The following FRMD4A variants were observed in gnomAD, a reference collection of about 807,000 sequenced individuals.
The protein encoded by FRMD4A is FERM domain-containing protein 4A.
Under a neutral mutation model 129.1 loss-of-function variants are expected in FRMD4A, and 29 were observed. The ratio of observed to expected loss-of-function variants is 0.22; its 90% CI spans 0.17 to 0.31. FRMD4A has a LOEUF of 0.31. Ranked by LOEUF, FRMD4A falls within the 10% of genes least tolerant of loss-of-function variation. The pLI is 1.00. For missense variants in FRMD4A, 1,272 were observed against 1,375.8 expected (o/e 0.92, Z 1.19); for synonymous variants, 634 against 571.6 (o/e 1.11, Z -1.56).
intron 2 of FRMD4A, among the ~76,000 whole-genome samples, chr10:14,316,875 G>A (rs1353040898): frequency 1.3e-5 from 2 of 152,302 alleles, no homozygotes; most frequent in African/African-American, 4.8e-5. Flanking sequence ...GAAGTGTCCT[G>A]TTTTAAAGCC....
chr10:14,084,706 G>A (rs546584856), intron 2 of FRMD4A, among the ~76,000 whole-genome samples: 11 of 152,052 alleles, frequency 7.2e-5, no homozygotes, highest in Non-Finnish European at 1.3e-4. Flanking sequence ...GCCCTAAATC[G>A]CCCCAGGGCC....
chr10:13,775,815 C>T (rs528332962), intron 6 of FRMD4A, among the ~76,000 whole-genome samples: 17 of 152,236 alleles, frequency 1.1e-4, no homozygotes, highest in South Asian at 2.1e-4. Flanking sequence ...GAGAACTACC[C>T]GACGTAGCTG....
intron 2 of FRMD4A, among the ~76,000 whole-genome samples, chr10:14,288,390 A>C (rs183683190): frequency 1.3e-5 from 2 of 152,260 alleles, no homozygotes; most frequent in Admixed American, 6.5e-5. Flanking sequence ...ATCCAACTTA[A>C]CATATGAAGG....
chr10:14,189,652 G>A (rs980028880), intron 2 of FRMD4A, among the ~76,000 whole-genome samples: 3 of 152,148 alleles, frequency 2.0e-5, no homozygotes, highest in African/African-American at 7.2e-5. Context: ...CTTTGTTCTT[G>A]TATAAATATC....
At chr10:14,256,292 C>CA (rs1198320293) in intron 2 of FRMD4A, among the ~76,000 whole-genome samples, 2 of 151,888 alleles carry the variant, frequency 1.3e-5, no homozygotes, top group Admixed American at 1.3e-4. Context: ...AAAAGACTTA[C>CA]AAAAAAGAAG....
chr10:13,992,689 C>T (rs368325171), intron 2 of FRMD4A, among the ~76,000 whole-genome samples: 2 of 151,856 alleles, frequency 1.3e-5, no homozygotes, highest in East Asian at 1.9e-4. Context: ...CATGGTGGCT[C>T]GCACCTGTAA....
chr10:13,828,313 C>G (rs183580158), intron 3 of FRMD4A, among the ~76,000 whole-genome samples: 2 of 152,252 alleles, frequency 1.3e-5, no homozygotes, highest in East Asian at 3.9e-4. Flanking sequence ...TCCCTCACCC[C>G]CTCCCACACT....
intron 2 of FRMD4A, among the ~76,000 whole-genome samples, chr10:14,304,563 G>T (rs1260538481): frequency 1.3e-5 from 2 of 152,136 alleles, no homozygotes; most frequent in East Asian, 3.9e-4. Context: ...TGCTTGGATC[G>T]AGGAGGTGCC....
chr10:13,925,566 C>CTTTTTTTTTTTTTTT lies in FRMD4A; in HGVS notation c.46-66669_46-66655dup, dbSNP rs66980805. 1.7e-3 allele frequency among the ~76,000 whole-genome samples: 103 copies of CTTTTTTTTTTTTTTT among 61,944 alleles called. 22 individuals are homozygous for CTTTTTTTTTTTTTTT. The highest frequency in any genetic ancestry group is 8.0e-3 in the East Asian group (10 of 1,248). 40.6% of individuals were successfully genotyped at this position (61,944 alleles called of 152,430 possible). On this transcript the variant is annotated intron_variant, in intron 2 of 24. Coordinates refer to ENST00000357447, the MANE Select transcript of FRMD4A (RefSeq NM_018027.5). Reference sequence around the variant, plus strand: ...TGAAAGTTTCTATTGTAGTGAAACGCTTTTTTTTTTTTTTTTTTTTTTTTT... The same window carrying CTTTTTTTTTTTTTTT: ...TGAAAGTTTCTATTGTAGTGAAACGCTTTTTTTTTTTTTTTTTTTTTTTTTTTTTTTTTTTTTTTT...
At chr10:14,288,071 T>C (rs1165032604) in intron 2 of FRMD4A, among the ~76,000 whole-genome samples, 2 of 152,102 alleles carry the variant, frequency 1.3e-5, no homozygotes, top group African/African-American at 4.8e-5. Context: ...GAAAAGACAC[T>C]GGCCCTGAGA....
At chr10:13,706,931 C>T (rs2087517548) in intron 13 of FRMD4A, 106 bp downstream of exon 13, 1 of 679,542 alleles carries the variant, frequency 1.5e-6, no homozygotes, top group Admixed American at 2.1e-5. Context: ...CACCCTCGCT[C>T]CCTGCTCCAA....
At chr10:13,707,290 C>A in intron 12 of FRMD4A, 177 bp from the exon 13 acceptor site, 1 of 869,788 alleles carries the variant, frequency 1.1e-6, no homozygotes, top group Non-Finnish European at 1.6e-6. Context: ...ACACACGCAG[C>A]TCTCCAGTTC....
Position 14,278,813 on chromosome 10 carries a change from G to A in FRMD4A, c.45+51245C>T, listed in dbSNP as rs543002826. On this transcript the variant is annotated intron_variant, in intron 2 of 24. Transcript: ENST00000357447. ...CTTCCTGTCTGACAAATGTTACAAG[G>A]AGACCAGCAGCTAGGAGAATGAGAG... Among the ~76,000 whole-genome samples the A allele has an allele frequency of 9.8e-5, 15 of 152,320 alleles. 1 individual carries two copies. Among genetic ancestry groups the A allele is most frequent in the Admixed American group, 8.5e-4 (13 of 15,302 alleles).
Position 13,659,383 on chromosome 10 carries a change from G to A in FRMD4A, c.2006C>T (p.Ser669Phe), listed in dbSNP as rs2082444917. 1.2e-6 allele frequency: 2 copies of A among 1,614,068 alleles called. No individual in the cohort carries two copies. Among genetic ancestry groups the A allele is most frequent in the Admixed American group, 1.7e-5 (1 of 60,030 alleles). ...IRGLPHWNSQ[S>F]SMPSTPDLRV... ...CAGGTCTGGCGTGGACGGCATGCTGGACTGGGAGTTCCAGTGCGGGAGGCC... is the reference window on the plus strand; with the variant it reads ...CAGGTCTGGCGTGGACGGCATGCTGAACTGGGAGTTCCAGTGCGGGAGGCC... The change falls in exon 21 of 25, where the codon TCC (serine) becomes TTC (phenylalanine). Residue 669 changes from serine to phenylalanine, a missense_variant. Transcript: ENST00000357447.
intron 2 of FRMD4A, among the ~76,000 whole-genome samples, chr10:14,312,803 C>T (rs895486053): frequency 6.6e-6 from 1 of 152,054 alleles, no homozygotes; most frequent in Non-Finnish European, 1.5e-5. Flanking sequence ...GAGATGGAGG[C>T]TGCAGTGAGC....
intron 5 of FRMD4A, among the ~76,000 whole-genome samples, chr10:13,786,388 T>A (rs188275578): frequency 4.1e-4 from 62 of 152,280 alleles, no homozygotes; most frequent in African/African-American, 1.1e-3. Context: ...GTGGATCAAC[T>A]GAGGTCAGGA....
chr10:13,884,980 TCTAC>T (rs2094601552), intron 2 of FRMD4A, among the ~76,000 whole-genome samples: 1 of 152,232 alleles, frequency 6.6e-6, no homozygotes, highest in Non-Finnish European at 1.5e-5. Flanking sequence ...GCTGGCTTCT[TCTAC>T]CTCGATGGGA....
At chr10:14,014,447 G>A (rs71479859) in intron 2 of FRMD4A, among the ~76,000 whole-genome samples, 2,688 of 152,274 alleles carry the variant, frequency 0.018, 29 homozygotes, top group Non-Finnish European at 0.026. Context: ...TAGAGCAGGA[G>A]GGGGGAGTTT....
At chr10:14,131,409 G>T (rs867422098) in intron 2 of FRMD4A, among the ~76,000 whole-genome samples, 2 of 148,280 alleles carry the variant, frequency 1.3e-5, no homozygotes, top group Non-Finnish European at 3.0e-5. Context: ...CCCCCCGGCC[G>T]CCCTGTTGTC....
Sources: allele counts gnomAD v4.1 joint callset (sites outside exome capture counted in the v4.1 genomes callset), GRCh38; gene constraint gnomAD v4.1.1; transcripts MANE v1.5; gene names NCBI Gene and HGNC (gene_info 2026-07-23, HGNC 2026-07-21).